The following RASGEF1A variants were observed in gnomAD, a reference collection of about 807,000 sequenced individuals.
RASGEF1A encodes RasGEF domain family member 1A.
Under a neutral mutation model 56.4 loss-of-function variants are expected in RASGEF1A, and 18 were observed. The observed-to-expected ratio is 0.32, with a 90% CI of 0.22 to 0.47. The LOEUF (loss-of-function observed/expected upper bound fraction) is 0.47, where lower values mean the gene tolerates loss of function less well. Among genes scored for constraint, RASGEF1A ranks in the 20% least tolerant of loss-of-function variants. The pLI is 1.00. For missense variants in RASGEF1A, 422 were observed against 627.1 expected, an observed-to-expected ratio of 0.67 and a Z score of 3.49; for synonymous variants, 245 against 242.6, an observed-to-expected ratio of 1.01 and a Z score of -0.09.
chr10:43,218,048 C>A (rs983495166), intron 1 of RASGEF1A, among the ~76,000 whole-genome samples: 8 of 152,216 alleles, frequency 5.3e-5, no homozygotes, highest in African/African-American at 1.9e-4. Context: ...GGAGCCGGCA[C>A]CCTCCTCTGT....
intron 1 of RASGEF1A, among the ~76,000 whole-genome samples, chr10:43,262,450 G>A (rs1588954959): frequency 6.6e-6 from 1 of 152,104 alleles, no homozygotes; most frequent in South Asian, 2.1e-4. Context: ...CTGTCCCAGA[G>A]CTCTCAGGTC....
rs1009295749 is a variant in RASGEF1A at position 43,230,220 on chromosome 10, C to G, written c.-6-24098G>C. 2.6e-5 allele frequency among the ~76,000 whole-genome samples: 4 copies of G among 152,364 alleles called. No homozygotes were observed. The South Asian group carries it at 8.3e-4, about 32-fold the overall frequency. On this transcript the variant is annotated intron_variant, in intron 1 of 12. Transcript: ENST00000395810. Reference sequence around the variant, plus strand: ...GACTTGAATGCCTTCCCTGACAGGGCGCTCACTCCACACAGCTCTGGCCTG... The same window carrying G: ...GACTTGAATGCCTTCCCTGACAGGGGGCTCACTCCACACAGCTCTGGCCTG...
intron 2 of RASGEF1A, among the ~76,000 whole-genome samples, chr10:43,204,008 G>C (rs1839956368): frequency 6.6e-6 from 1 of 152,136 alleles, no homozygotes; most frequent in South Asian, 2.1e-4. Flanking sequence ...ACCAGCTCTG[G>C]GCCTAGACCC....
intron 2 of RASGEF1A, chr10:43,203,872 G>C (rs1588929875): frequency 5.0e-6 from 4 of 802,398 alleles, no homozygotes; most frequent in South Asian, 9.7e-5. Flanking sequence ...GGGCCTGTCG[G>C]GAGCAGGGCT....
rs1354852330 is a variant in RASGEF1A, at chr10:43,206,045, C to A, written c.72G>T (p.Met24Ile). 1 of 1,609,694 alleles carries A rather than the reference C, an allele frequency of 6.2e-7. No individual in the cohort carries two copies. The highest frequency in any genetic ancestry group is 1.7e-5 in the Admixed American group (1 of 59,384). Reference protein sequence around the residue: ...PSCSGQVQPGMGERGGGAGGG... With the variant: ...PSCSGQVQPGIGERGGGAGGG... Reference sequence around the variant, plus strand: ...CACCGGCCCCGCCTCCACGCTCCCCCATGCCAGGCTGCACCTGTCCGCTAC... The same window carrying A: ...CACCGGCCCCGCCTCCACGCTCCCCAATGCCAGGCTGCACCTGTCCGCTAC... The change falls in exon 2 of 13, where the codon ATG (methionine) becomes ATT (isoleucine). Residue 24 changes from methionine to isoleucine, a missense_variant. Transcript: ENST00000395810.
At chr10:43,261,474 C>T (rs1438176545) in intron 1 of RASGEF1A, among the ~76,000 whole-genome samples, 1 of 152,224 alleles carries the variant, frequency 6.6e-6, no homozygotes, top group African/African-American at 2.4e-5. Flanking sequence ...CCTGGCCTCG[C>T]CAGTGGGGGA....
rs77504342 is a variant in RASGEF1A at position 43,201,712 on chromosome 10, G to A, written c.459+96C>T. ...CTCCTGGGGGAGTAACATGGAAGGG[G>A]ACCACATACAGAGTTGTCCCCGAAG... is the stretch of plus-strand genomic sequence containing the variant. On this transcript the variant is annotated intron_variant, in intron 4 of 12. Coordinates refer to ENST00000395810, the MANE Select transcript of RASGEF1A (RefSeq NM_145313.4). 436 of 1,284,716 alleles carry A rather than the reference G, an allele frequency of 3.4e-4. 2 individuals are homozygous for A. The African/African-American group carries it at 6.1e-3, about 18-fold the overall frequency. 79.6% of individuals were successfully genotyped at this position (1,284,716 alleles called of 1,614,324 possible).
intron 1 of RASGEF1A, among the ~76,000 whole-genome samples, chr10:43,216,179 C>T (rs1045467186): frequency 2.6e-5 from 4 of 152,196 alleles, no homozygotes; most frequent in Non-Finnish European, 5.9e-5. Context: ...TGGTCCCCAC[C>T]CTGCCAGGAG....
rs940930654 is a variant in RASGEF1A, at chr10:43,197,160, G to A, written c.1225-61C>T. 50 of 1,583,242 alleles carry A rather than the reference G, an allele frequency of 3.2e-5. No homozygotes were observed. In the Middle Eastern group the frequency reaches 5.1e-4, roughly 16 times the overall value. ...ACCTTAAGCACCAAACCCTCGGTCA[G>A]GGCAGGGGACGTAGGTTTTGGCCTC... On this transcript the variant is annotated intron_variant, in intron 10 of 12. Transcript: ENST00000395810.
At chr10:43,207,832 A>C in intron 1 of RASGEF1A, 1 of 563,636 alleles carries the variant, frequency 1.8e-6, no homozygotes, top group South Asian at 7.8e-5. Context: ...ATGTGAGCCA[A>C]TCCTTCATTT....
intron 1 of RASGEF1A, among the ~76,000 whole-genome samples, chr10:43,250,837 G>A (rs936393506): frequency 1.3e-5 from 2 of 152,222 alleles, no homozygotes; most frequent in Non-Finnish European, 2.9e-5. Context: ...AGAGAGGGCT[G>A]GAGGCTTGGG....
intron 1 of RASGEF1A, among the ~76,000 whole-genome samples, chr10:43,219,026 A>G (rs1425356739): frequency 2.0e-5 from 3 of 152,152 alleles, no homozygotes; most frequent in Non-Finnish European, 4.4e-5. Context: ...CTCAGGGCAT[A>G]GAACATCATT....
intron 1 of RASGEF1A, chr10:43,208,199 C>G: frequency 1.0e-6 from 1 of 985,482 alleles, no homozygotes; most frequent in African/African-American, 1.7e-5. Flanking sequence ...TAACCTTGGT[C>G]AGTTGGGCCT....
At chr10:43,255,789 C>T (rs1840681379) in intron 1 of RASGEF1A, among the ~76,000 whole-genome samples, 1 of 152,160 alleles carries the variant, frequency 6.6e-6, no homozygotes, top group Admixed American at 6.5e-5. Flanking sequence ...GGCTCAGGAC[C>T]ACCAGGTGGT....
At chr10:43,213,964 TC>T (rs1453633491) in intron 1 of RASGEF1A, among the ~76,000 whole-genome samples, 9 of 152,144 alleles carry the variant, frequency 5.9e-5, no homozygotes, top group Non-Finnish European at 1.0e-4. Context: ...CCCATGCCCG[TC>T]CCCCAGGCAG....
At chr10:43,200,591 C>A in intron 5 of RASGEF1A, 76 bp downstream of exon 5, 1 of 1,301,622 alleles carries the variant, frequency 7.7e-7, no homozygotes, top group Non-Finnish European at 1.1e-6. Context: ...CTAGCAGGGG[C>A]CTGAAGTGCT....
At chr10:43,202,310 G>T (rs1839912303) in intron 3 of RASGEF1A, among the ~76,000 whole-genome samples, 1 of 152,230 alleles carries the variant, frequency 6.6e-6, no homozygotes, top group Non-Finnish European at 1.5e-5. Context: ...GCTCCCGTCT[G>T]CCCCCTGTGG....
chr10:43,226,287 C>A lies in RASGEF1A; in HGVS notation c.-6-20165G>T, dbSNP rs1307647978. ...AGAAACCCCGTCTCTACTAAAAATA[C>A]AAAATTAGCCAGGCATGGTGGCACA... On this transcript the variant is annotated intron_variant, in intron 1 of 12. Transcript: ENST00000395810. Among the ~76,000 whole-genome samples the A allele has an allele frequency of 2.6e-5, 4 of 152,040 alleles. No individual in the cohort carries two copies. In the East Asian group the frequency reaches 7.7e-4, roughly 29 times the overall value.
intron 1 of RASGEF1A, among the ~76,000 whole-genome samples, chr10:43,249,128 A>G (rs1320919596): frequency 6.6e-6 from 1 of 152,198 alleles, no homozygotes; most frequent in Non-Finnish European, 1.5e-5. Flanking sequence ...AGCAATTGTA[A>G]GGGAGAGAGA....
Sources: allele counts gnomAD v4.1 joint callset (sites outside exome capture counted in the v4.1 genomes callset), GRCh38; gene constraint gnomAD v4.1.1; transcripts MANE v1.5; gene names NCBI Gene and HGNC (gene_info 2026-07-23, HGNC 2026-07-21).